SNX25: variants seen among roughly 807,000 people sequenced by gnomAD.
SNX25 encodes the protein sorting nexin-25.
Under a neutral mutation model 113.7 loss-of-function variants are expected in SNX25, and 62 were observed. The ratio of observed to expected loss-of-function variants is 0.55; its 90% CI spans 0.44 to 0.67. SNX25 has a LOEUF of 0.67. Ranked by LOEUF, SNX25 falls within the 30% of genes least tolerant of loss-of-function variation. SNX25 has a pLI of 0.00. For synonymous variants in SNX25, 421 were observed against 436.2 expected, an observed-to-expected ratio of 0.97 and a Z score of 0.43; for missense variants, 1,014 against 1,161.0, an observed-to-expected ratio of 0.87 and a Z score of 1.84.
chr4:185,245,087 C>G (rs147368754), intron 1 of SNX25, among the ~76,000 whole-genome samples: 592 of 152,162 alleles, frequency 3.9e-3, no homozygotes, highest in African/African-American at 0.014. Flanking sequence ...AGCCTTTTAG[C>G]TCTCCAAGTC....
chr4:185,245,940 G>A (rs1744806454), intron 1 of SNX25, among the ~76,000 whole-genome samples: 1 of 151,966 alleles, frequency 6.6e-6, no homozygotes, highest in South Asian at 2.1e-4. Context: ...CCTTATACAT[G>A]TACTTTTTTG....
intron 1 of SNX25, among the ~76,000 whole-genome samples, chr4:185,213,997 G>T (rs1738362347): frequency 6.7e-6 from 1 of 150,370 alleles, no homozygotes; most frequent in Non-Finnish European, 1.5e-5. Flanking sequence ...GCAGTGGCCT[G>T]ACCGTGATGT....
At chr4:185,235,589 C>T (rs1266262826) in intron 1 of SNX25, among the ~76,000 whole-genome samples, 3 of 152,204 alleles carry the variant, frequency 2.0e-5, no homozygotes, top group Non-Finnish European at 4.4e-5. Flanking sequence ...TTCTTCTCAG[C>T]CGATAGAAGA....
intron 3 of SNX25, 122 bp from the exon 4 acceptor site, chr4:185,264,316 A>G (rs965906302): frequency 1.1e-6 from 1 of 937,098 alleles, no homozygotes; most frequent in Non-Finnish European, 1.6e-6. Flanking sequence ...AAATTTGATT[A>G]TTTAGGAGAT....
chr4:185,302,806 C>T (rs1159698144), intron 6 of SNX25, among the ~76,000 whole-genome samples: 2 of 152,210 alleles, frequency 1.3e-5, no homozygotes, highest in South Asian at 2.1e-4. Flanking sequence ...GCCCCAAGGG[C>T]TCTTGCGAGG....
chr4:185,335,585 T>A (rs1484405324), intron 10 of SNX25, among the ~76,000 whole-genome samples: 7 of 152,222 alleles, frequency 4.6e-5, no homozygotes, highest in Admixed American at 2.0e-4. Context: ...GTACCAGCAG[T>A]GTAATTAGCT....
At chr4:185,229,064 A>G (rs1326180514) in intron 1 of SNX25, among the ~76,000 whole-genome samples, 1 of 152,156 alleles carries the variant, frequency 6.6e-6, no homozygotes, top group Admixed American at 6.5e-5. Context: ...AAGGGCCAAG[A>G]TGTGAAGTTG....
chr4:185,349,900 T>A (rs919394898), intron 13 of SNX25, among the ~76,000 whole-genome samples: 3 of 152,146 alleles, frequency 2.0e-5, no homozygotes, highest in Middle Eastern at 3.2e-3. Flanking sequence ...TGTTAGAGAG[T>A]AGATGAGTGA....
intron 6 of SNX25, among the ~76,000 whole-genome samples, chr4:185,299,516 A>G (rs1201820175): frequency 1.3e-5 from 2 of 152,126 alleles, no homozygotes; most frequent in Non-Finnish European, 2.9e-5. Context: ...TGCATTACCG[A>G]CTGGTTCCCT....
chr4:185,215,828 C>T (rs562546012), intron 1 of SNX25, among the ~76,000 whole-genome samples: 2 of 149,196 alleles, frequency 1.3e-5, no homozygotes, highest in South Asian at 2.1e-4. Flanking sequence ...CTGGCTCTTT[C>T]GCCCAGATTG....
chr4:185,346,564 T>C lies in SNX25; in HGVS notation c.2215T>C (p.Leu739=). 6.3e-7 allele frequency: 1 copy of C among 1,597,634 alleles called. No homozygotes were observed. Among genetic ancestry groups the C allele is most frequent in the Non-Finnish European group, 8.5e-7 (1 of 1,175,974 alleles). ...ECVPSLKKVQ[L]PSLSKLPFKS... ...CGTCCCTTCTTTAAAAAAAGTCCAG[T>C]TGCCTTCTCTTAGCAAGCTGCCTTT... The change falls in exon 13 of 19, where the codon TTG becomes CTG. Residue 739 remains leucine (L), a synonymous_variant. Transcript: ENST00000652585.
chr4:185,285,917 T>C (rs12642623), intron 5 of SNX25, among the ~76,000 whole-genome samples: 56,447 of 149,832 alleles, frequency 0.38, 11,411 homozygotes, highest in East Asian at 0.56. Context: ...GTACTACAGG[T>C]GTGCGCCACC....
At chr4:185,339,228 AATT>A (rs2095247856) in intron 10 of SNX25, 148 bp from the exon 11 acceptor site, 3 of 598,220 alleles carry the variant, frequency 5.0e-6, no homozygotes, top group African/African-American at 1.9e-5. Flanking sequence ...TTGTAAGTGG[AATT>A]TTTTTCTTAA....
chr4:185,255,762 T>C (rs980622456), intron 2 of SNX25, among the ~76,000 whole-genome samples: 6 of 152,216 alleles, frequency 3.9e-5, no homozygotes, highest in African/African-American at 1.4e-4. Context: ...TTGACTTTGC[T>C]ACCTCTTTGA....
chr4:185,322,780 G>C (rs919687882), intron 8 of SNX25, among the ~76,000 whole-genome samples: 1 of 152,212 alleles, frequency 6.6e-6, no homozygotes, highest in Non-Finnish European at 1.5e-5. Flanking sequence ...AGTAAGAGCA[G>C]CTAGCTTCCT....
At chr4:185,323,253 A>G (rs905932608) in intron 8 of SNX25, among the ~76,000 whole-genome samples, 1 of 152,192 alleles carries the variant, frequency 6.6e-6, no homozygotes, top group Non-Finnish European at 1.5e-5. Flanking sequence ...AATCTATTGC[A>G]GGAAGAGAAC....
intron 6 of SNX25, among the ~76,000 whole-genome samples, chr4:185,294,046 C>T (rs1752531160): frequency 6.6e-6 from 1 of 152,220 alleles, no homozygotes; most frequent in Non-Finnish European, 1.5e-5. Flanking sequence ...AGGACAACAG[C>T]CTGCTTAGCG....
At chr4:185,322,202 G>A (rs1561011264) in intron 8 of SNX25, among the ~76,000 whole-genome samples, 1 of 152,218 alleles carries the variant, frequency 6.6e-6, no homozygotes, top group African/African-American at 2.4e-5. Flanking sequence ...GGAGGCCAAG[G>A]TGGACAGTTC....
intron 16 of SNX25, among the ~76,000 whole-genome samples, chr4:185,359,341 C>CA (rs889181456): frequency 0.011 from 1,494 of 140,928 alleles, 19 homozygotes; most frequent in African/African-American, 0.033. Flanking sequence ...GACCCTTTCT[C>CA]AAAAAAAAAA....
Sources: allele counts gnomAD v4.1 joint callset (sites outside exome capture counted in the v4.1 genomes callset), GRCh38; gene constraint gnomAD v4.1.1; transcripts MANE v1.5; gene names NCBI Gene and HGNC (gene_info 2026-07-23, HGNC 2026-07-21).